PPEF1: variants seen among roughly 807,000 people sequenced by gnomAD.
PPEF1 encodes protein phosphatase with EF-hand domain 1, also known as serine/threonine-protein phosphatase with EF-hands 1.
PPEF1 carries 12 observed loss-of-function variants against 53.3 expected under a neutral mutation model. The observed-to-expected ratio is 0.23, with a 90% CI of 0.14 to 0.36. The LOEUF is 0.36. Ranked by LOEUF, PPEF1 falls within the 10% of genes least tolerant of loss-of-function variation. PPEF1 has a pLI of 1.00. For synonymous variants in PPEF1, 165 were observed against 176.7 expected, an observed-to-expected ratio of 0.93 and a Z score of 0.52; for missense variants, 334 against 490.4, an observed-to-expected ratio of 0.68 and a Z score of 3.01.
At chrX:18,775,906 C>T (rs1405516221) in intron 6 of PPEF1, among the ~76,000 whole-genome samples, 4 of 112,288 alleles carry the variant, frequency 3.6e-5, no homozygotes, top group African/African-American at 1.3e-4. Context: ...CATCTTCCTA[C>T]ACTTTTTCTA....
At chrX:18,735,069 T>G (rs909127143) in intron 3 of PPEF1, among the ~76,000 whole-genome samples, 80 of 111,991 alleles carry the variant, frequency 7.1e-4, no homozygotes, top group Non-Finnish European at 1.2e-3. Flanking sequence ...TTTCTCCCAT[T>G]CTGTAGGTTG....
chrX:18,718,394 T>TA (rs2044506854), intron 1 of PPEF1, among the ~76,000 whole-genome samples: 1 of 108,803 alleles, frequency 9.2e-6, no homozygotes, highest in African/African-American at 3.4e-5. Context: ...AACATAGCAA[T>TA]ACCTCGTCTC....
chrX:18,736,290 T>C (rs1358767035), intron 3 of PPEF1, among the ~76,000 whole-genome samples: 3 of 111,897 alleles, frequency 2.7e-5, no homozygotes, highest in Non-Finnish European at 3.8e-5. Context: ...GTCATTATTT[T>C]GAGATACGTC....
At chrX:18,813,310 C>A (rs748084712) in intron 12 of PPEF1, among the ~76,000 whole-genome samples, 3 of 97,524 alleles carry the variant, frequency 3.1e-5, no homozygotes. Flanking sequence ...ACCCGGGAGG[C>A]GGAGGTTGCA....
chrX:18,730,444 T>G, intron 2 of PPEF1, 136 bp downstream of exon 2: 1 of 753,855 alleles, frequency 1.3e-6, no homozygotes, highest in Non-Finnish European at 1.9e-6. Flanking sequence ...GTCATGACAT[T>G]GTCTTGGAAC....
intron 12 of PPEF1, among the ~76,000 whole-genome samples, chrX:18,812,429 C>T (rs765696415): frequency 1.2e-4 from 14 of 112,320 alleles, no homozygotes; most frequent in Non-Finnish European, 2.3e-4. Context: ...GTGAGTTGAA[C>T]GTTGCACTTC....
Position 18,730,278 on chromosome X carries a change from C to T in PPEF1, c.144C>T (p.Ile48=), listed in dbSNP as rs775348591. ...QHYALTIFQS[I]EYADEQGQMQ... ...ATGCCCTCACCATCTTCCAGTCCAT[C>T]GAATATGCTGATGAACAAGGCCAAA... Residue 48 remains isoleucine (I), a synonymous_variant, in exon 2 of 16, where the codon ATC becomes ATT. Coordinates refer to ENST00000470157, the MANE Select transcript of PPEF1 (RefSeq NM_001377996.1). 8 of 1,209,326 alleles carry T rather than the reference C, an allele frequency of 6.6e-6. No individual in the cohort carries two copies. In the Admixed American group the frequency reaches 8.7e-5, roughly 13 times the overall value.
chrX:18,748,696 G>A (rs1032241343), intron 3 of PPEF1, among the ~76,000 whole-genome samples: 1 of 111,993 alleles, frequency 8.9e-6, no homozygotes, highest in South Asian at 3.7e-4. Context: ...TGCTGGCTGG[G>A]GGCTGATCGA....
At chrX:18,727,543 G>A (rs1182553654) in intron 1 of PPEF1, among the ~76,000 whole-genome samples, 4 of 110,563 alleles carry the variant, frequency 3.6e-5, no homozygotes, top group Non-Finnish European at 7.6e-5. Context: ...GTGACCAAAT[G>A]TGTGGGGACT....
chrX:18,749,774 CTGT>C lies in PPEF1; in HGVS notation c.236-17_236-15del. 1 of 363,582 alleles carries C rather than the reference CTGT, an allele frequency of 2.8e-6. No individual in the cohort carries two copies. Among genetic ancestry groups the C allele is most frequent in the Non-Finnish European group, 4.5e-6 (1 of 219,878 alleles). 30.0% of individuals were successfully genotyped at this position (363,582 alleles called of 1,213,427 possible). A position where few individuals can be genotyped will look rare whatever the true frequency, so the allele number is the denominator to read the frequency against. The stretch of plus-strand genomic sequence containing the variant: ...CCACCCCCACCCCCACCCCCCCGTT[CTGT>C]CCTTCCTTTTCCAGAATTAAGAAAT... On this transcript the variant is annotated splice_polypyrimidine_tract_variant and intron_variant, in intron 3 of 15. Coordinates refer to ENST00000470157, the MANE Select transcript of PPEF1 (RefSeq NM_001377996.1).
intron 12 of PPEF1, among the ~76,000 whole-genome samples, chrX:18,811,480 ATCT>A (rs2046801161): frequency 9.1e-6 from 1 of 109,550 alleles, no homozygotes; most frequent in African/African-American, 3.3e-5. Context: ...ACATTTGTAC[ATCT>A]TCTTTAGAAA....
chrX:18,693,798 C>T (rs1929552866), intron 4 of PPEF1, among the ~76,000 whole-genome samples: 1 of 111,989 alleles, frequency 8.9e-6, no homozygotes, highest in Non-Finnish European at 1.9e-5. Context: ...GAACTCCTGA[C>T]CTCAGGTGAT....
At chrX:18,790,497 T>C (rs1292396322) in intron 10 of PPEF1, among the ~76,000 whole-genome samples, 1 of 111,168 alleles carries the variant, frequency 9.0e-6, no homozygotes, top group East Asian at 2.8e-4. Flanking sequence ...CTTTGGTTGC[T>C]CGTGTTTTTG....
At chrX:18,729,511 A>G (rs1290449953) in intron 1 of PPEF1, among the ~76,000 whole-genome samples, 5 of 112,093 alleles carry the variant, frequency 4.5e-5, no homozygotes, top group Non-Finnish European at 9.4e-5. Context: ...TTTAATAACC[A>G]TTCCAATGGA....
At chrX:18,728,067 G>T (rs1427304862) in intron 1 of PPEF1, among the ~76,000 whole-genome samples, 1 of 110,782 alleles carries the variant, frequency 9.0e-6, no homozygotes, top group Admixed American at 9.6e-5. Context: ...TGGGGCAGGT[G>T]AAAGGAGGAC....
chrX:18,684,365 CTT>C (rs1415994111), intron 1 of PPEF1, among the ~76,000 whole-genome samples: 1 of 111,008 alleles, frequency 9.0e-6, no homozygotes, highest in Non-Finnish European at 1.9e-5. Context: ...AAAGAAGAAA[CTT>C]GACAAAAGAG....
At chrX:18,710,883 T>C (rs1009132567) in intron 1 of PPEF1, among the ~76,000 whole-genome samples, 3 of 111,140 alleles carry the variant, frequency 2.7e-5, no homozygotes, top group African/African-American at 9.8e-5. Flanking sequence ...TACACTCTTA[T>C]GTTTACCGCA....
chrX:18,698,758 G>A (rs182157676), intron 5 of PPEF1, among the ~76,000 whole-genome samples: 15 of 112,049 alleles, frequency 1.3e-4, no homozygotes, highest in Admixed American at 9.4e-4. Flanking sequence ...ACACAGCCTG[G>A]GTGACAGAGT....
intron 11 of PPEF1, among the ~76,000 whole-genome samples, chrX:18,805,335 A>T (rs1018372492): frequency 8.9e-6 from 1 of 111,746 alleles, no homozygotes; most frequent in Non-Finnish European, 1.9e-5. Flanking sequence ...ATGGACACCA[A>T]GTTGTGTGGC....
Sources: gnomAD v4.1 joint callset for allele counts (sites outside exome capture counted in the v4.1 genomes callset) on GRCh38, gnomAD v4.1.1 for gene constraint, MANE v1.5 for transcripts, NCBI Gene and HGNC (gene_info 2026-07-23, HGNC 2026-07-21) for gene names.